Variants in MAN2B1 observed in about 807,000 individuals in gnomAD.
The protein encoded by MAN2B1 is mannosidase alpha class 2B member 1.
MAN2B1 carries 99 observed loss-of-function variants against 127.5 expected under a neutral mutation model. The ratio of observed to expected loss-of-function variants is 0.78; its 90% CI spans 0.66 to 0.92. MAN2B1 has a LOEUF of 0.92. Ranked by LOEUF, MAN2B1 falls within the 40% of genes least tolerant of loss-of-function variation. MAN2B1 has a pLI of 0.00. For synonymous variants in MAN2B1, 573 were observed against 568.8 expected (o/e 1.01, Z -0.11); for missense variants, 1,304 against 1,384.8 (o/e 0.94, Z 0.93).
In MAN2B1 at chr19:12,647,586, G is replaced by A. The variant is rs1394625602; in HGVS notation, c.2677C>T (p.Arg893Cys). The A allele has an allele frequency of 2.5e-6, 4 of 1,613,530 alleles. No homozygotes were observed. Among genetic ancestry groups the A allele is most frequent in the South Asian group, 1.1e-5 (1 of 91,042 alleles). The change falls in exon 22 of 24, where the codon CGC becomes TGC. Residue 893 changes from arginine (R) to cysteine (C), a missense_variant. Transcript: ENST00000456935. The surrounding 1 kb of genome is among the most constrained non-coding windows in gnomAD (Gnocchi z 4.9). ...APPRTQFSGL[R>C]RDLPPSVHLL... The stretch of plus-strand genomic sequence containing the variant: ...TGCACCGAGGGCGGCAGGTCCCTGC[G>A]CAGCCCTGAGAACTGCGGGAGAGAG...
intron 23 of MAN2B1, 86 bp from the exon 24 acceptor site, chr19:12,646,818 C>T: frequency 1.1e-6 from 1 of 945,636 alleles, no homozygotes; most frequent in Non-Finnish European, 1.7e-6. Context: ...TGGGTCTAGA[C>T]ACAGCTGCAT....
chr19:12,664,242 C>T (rs533916654), intron 4 of MAN2B1, among the ~76,000 whole-genome samples: 41 of 152,292 alleles, frequency 2.7e-4, no homozygotes, highest in African/African-American at 9.9e-4. Context: ...AAAACAAAAA[C>T]ACGTAGGGCT....
intron 6 of MAN2B1, 137 bp from the exon 7 acceptor site, chr19:12,661,513 C>T: frequency 1.4e-6 from 1 of 732,494 alleles, no homozygotes. Flanking sequence ...AGCGTGGGGA[C>T]ACAGATAAAA....
chr19:12,656,427 G>A, intron 13 of MAN2B1, 144 bp downstream of exon 13: 2 of 682,986 alleles, frequency 2.9e-6, no homozygotes, highest in East Asian at 5.1e-5. Flanking sequence ...ATATTAAGGG[G>A]CAGAGGGAGA....
intron 12 of MAN2B1, 103 bp from the exon 13 acceptor site, chr19:12,656,790 G>A (rs1176381207): frequency 2.8e-6 from 3 of 1,083,198 alleles, no homozygotes; most frequent in African/African-American, 3.1e-5. Flanking sequence ...TGTGGTCACG[G>A]CACTTAAGGC....
At chr19:12,656,469 G>A in intron 13 of MAN2B1, 102 bp downstream of exon 13, 3 of 792,338 alleles carry the variant, frequency 3.8e-6, no homozygotes, top group Non-Finnish European at 2.2e-6. Context: ...ATATGCATGA[G>A]TGGGAGGTAT....
chr19:12,648,450 T>C, intron 20 of MAN2B1, 48 bp from the exon 21 acceptor site: 1 of 1,432,362 alleles, frequency 7.0e-7, no homozygotes, highest in Non-Finnish European at 9.8e-7. Context: ...GGTTTGTGGG[T>C]GTCCTTGGGC....
chr19:12,660,308 A>G (rs1449950157), intron 7 of MAN2B1, among the ~76,000 whole-genome samples: 5 of 152,172 alleles, frequency 3.3e-5, no homozygotes, highest in Admixed American at 2.6e-4. Context: ...AATCGAGACC[A>G]TCCTGGCCAA....
At chr19:12,661,907 T>A (rs1568306201) in intron 6 of MAN2B1, among the ~76,000 whole-genome samples, 1 of 152,036 alleles carries the variant, frequency 6.6e-6, no homozygotes, top group Non-Finnish European at 1.5e-5. Flanking sequence ...TGAAGTGACG[T>A]GATCTCGGCT....
In MAN2B1 at chr19:12,666,634, G is replaced by T. The variant is rs1309135799; in HGVS notation, c.68C>A (p.Thr23Asn). The part of the protein sequence containing the change: ...RGCLDSAGPW[T>N]MSRALRPPLP... ...CGGTGGCCGCAGGGCGCGGGACATG[G>T]TCCAGGGGCCTGCTGAGTCCAGGCA... The change falls in exon 1 of 24, where the codon ACC becomes AAC. Residue 23 changes from threonine (T) to asparagine (N), a missense_variant. Physicochemically the swap from Thr to Asn is moderately conservative, Grantham distance 65 (BLOSUM62 0). Transcript: ENST00000456935. 4 of 1,555,054 alleles carry T rather than the reference G, an allele frequency of 2.6e-6. No homozygotes were observed. In the South Asian group the frequency reaches 4.7e-5, roughly 18 times the overall value.
chr19:12,656,962 T>C lies in MAN2B1; in HGVS notation c.1514A>G (p.Gln505Arg), dbSNP rs2023977189. The C allele has an allele frequency of 6.2e-7, 1 of 1,613,358 alleles. No individual in the cohort carries two copies. The highest frequency in any genetic ancestry group is 8.5e-7 in the Non-Finnish European group (1 of 1,179,890). The part of the protein sequence containing the change: ...QLNISICPLS[Q>R]TAARFQVIVY... ...GTCCCGGCTCACGCGCGCCGCCGTC[T>C]GGCTGAGCGGGCAGATGCTGATGTT... Residue 505 changes from glutamine to arginine, a missense_variant, in exon 12 of 24, where the codon CAG (glutamine) becomes CGG (arginine). Gln to Arg is a conservative substitution (Grantham distance 43, BLOSUM62 1). Transcript: ENST00000456935.
rs199606152 is a variant in MAN2B1 at position 12,647,593 on chromosome 19, T to C, written c.2670A>G (p.Ser890=). 1.4e-4 allele frequency: 233 copies of C among 1,610,946 alleles called. No homozygotes were observed. In the East Asian group the frequency reaches 2.3e-3, roughly 16 times the overall value. The change falls in exon 22 of 24, where the codon TCA becomes TCG. Residue 890 remains serine, a synonymous_variant. Coordinates refer to ENST00000456935, the MANE Select transcript of MAN2B1 (RefSeq NM_000528.4). This position sits in a 1 kb window ranked among gnomAD's most constrained non-coding sequence, Gnocchi z 4.9. ...NLGAPPRTQF[S]GLRRDLPPSV... is the part of the protein sequence containing the mutation. Reference sequence around the variant, plus strand: ...AGGGCGGCAGGTCCCTGCGCAGCCCTGAGAACTGCGGGAGAGAGGGCGGGG... The same window carrying C: ...AGGGCGGCAGGTCCCTGCGCAGCCCCGAGAACTGCGGGAGAGAGGGCGGGG...
rs895172069 is a variant in MAN2B1 at position 12,647,413 on chromosome 19, C to T, written c.2820+30G>A. The T allele has an allele frequency of 2.5e-6, 4 of 1,613,604 alleles. No individual in the cohort carries two copies. Among genetic ancestry groups the T allele is most frequent in the African/African-American group, 1.3e-5 (1 of 75,018 alleles). ...TCTCTCCCTCTCTCTTGCCTCTCTCCGATCTCCTTCTCAATTTTGCCCTTC... is the reference window on the plus strand; with the variant it reads ...TCTCTCCCTCTCTCTTGCCTCTCTCTGATCTCCTTCTCAATTTTGCCCTTC... On this transcript the variant is annotated intron_variant, in intron 22 of 23. Coordinates refer to ENST00000456935, the MANE Select transcript of MAN2B1 (RefSeq NM_000528.4). The surrounding 1 kb of genome is among the most constrained non-coding windows in gnomAD (Gnocchi z 4.9).
chr19:12,657,132 C>A, intron 11 of MAN2B1, 76 bp from the exon 12 acceptor site: 2 of 895,062 alleles, frequency 2.2e-6, no homozygotes, highest in East Asian at 2.6e-5. Flanking sequence ...GGCCCCGCCC[C>A]GTTCCGGTCT....
At chr19:12,652,611 A>ACC in intron 14 of MAN2B1, 151 bp from the exon 15 acceptor site, 1 of 621,628 alleles carries the variant, frequency 1.6e-6, no homozygotes, top group East Asian at 2.8e-5. Context: ...GGCTCACTGC[A>ACC]CCCCCCACCT....
At chr19:12,649,733 C>T (rs1318599414) in intron 18 of MAN2B1, among the ~76,000 whole-genome samples, 180 bp downstream of exon 18, 1 of 151,834 alleles carries the variant, frequency 6.6e-6, no homozygotes, top group Non-Finnish European at 1.5e-5. Context: ...CTGCCCGCCT[C>T]GGCTTCCCAA....
chr19:12,661,252 G>A lies in MAN2B1; in HGVS notation c.1026+8C>T, dbSNP rs199908179. 92 of 1,599,152 alleles carry A rather than the reference G, an allele frequency of 5.8e-5. No homozygotes were observed. The highest frequency in any genetic ancestry group is 3.6e-4 in the South Asian group (33 of 90,818). On this transcript the variant is annotated splice_region_variant and intron_variant, in intron 7 of 23. Coordinates refer to ENST00000456935, the MANE Select transcript of MAN2B1 (RefSeq NM_000528.4). ...TGCACAAGGGTACCACAGGGTAGGC[G>A]CACTGACCTGCGCATTTACCAGCCG...
intron 5 of MAN2B1, 27 bp from the exon 6 acceptor site, chr19:12,663,489 T>A: frequency 6.2e-7 from 1 of 1,612,268 alleles, no homozygotes; most frequent in East Asian, 2.2e-5. Flanking sequence ...GTTCAAGGGG[T>A]GGCCCATCAC....
At chr19:12,666,430 C>T in intron 1 of MAN2B1, 113 bp downstream of exon 1, 1 of 1,207,544 alleles carries the variant, frequency 8.3e-7, no homozygotes, top group Non-Finnish European at 1.2e-6. Flanking sequence ...ACCACACTGT[C>T]ATATCATCAG....
Sources: gnomAD v4.1 joint callset for allele counts (sites outside exome capture counted in the v4.1 genomes callset) on GRCh38, gnomAD v4.1.1 for gene constraint, Gnocchi (gnomAD v3.1) non-coding constraint, MANE v1.5 for transcripts, NCBI Gene and HGNC (gene_info 2026-07-23, HGNC 2026-07-21) for gene names.